The following GPC3 variants were observed in gnomAD, a reference collection of about 807,000 sequenced individuals.
GPC3 encodes the protein glypican-3.
GPC3 carries 3 observed loss-of-function variants against 34.4 expected under a neutral mutation model. That is an observed-to-expected ratio of 0.09 (90% CI 0.04 to 0.23). GPC3 has a LOEUF of 0.23. Ranked by LOEUF, GPC3 falls within the 10% of genes least tolerant of loss-of-function variation. The pLI is 1.00. For synonymous variants in GPC3, 177 were observed against 174.0 expected (o/e 1.02, Z -0.13); for missense variants, 351 against 445.6 (o/e 0.79, Z 1.91).
intron 3 of GPC3, among the ~76,000 whole-genome samples, chrX:133,741,915 T>C (rs752821934): frequency 1.1e-4 from 12 of 113,232 alleles, no homozygotes; most frequent in African/African-American, 3.8e-4. Flanking sequence ...ATGTTCTTTA[T>C]AACTTACAAT....
chrX:133,968,007 G>T (rs1013316498), intron 1 of GPC3, among the ~76,000 whole-genome samples: 1 of 112,682 alleles, frequency 8.9e-6, no homozygotes, highest in Non-Finnish European at 1.9e-5. Context: ...TGCTGACCAT[G>T]CATGTCTTAG....
chrX:133,564,558 A>G (rs2069566815), intron 7 of GPC3, among the ~76,000 whole-genome samples: 1 of 111,607 alleles, frequency 9.0e-6, no homozygotes, highest in Admixed American at 9.5e-5. Flanking sequence ...GTGGTGGTAA[A>G]AGTTCTAGAC....
intron 2 of GPC3, chrX:133,763,178 G>C (rs1203587115): frequency 1.6e-5 from 11 of 689,663 alleles, no homozygotes; most frequent in Non-Finnish European, 2.5e-5. Context: ...ACTGACCCCA[G>C]GGCTGACCAC....
At chrX:133,538,828 GA>G (rs1337726240) in intron 7 of GPC3, among the ~76,000 whole-genome samples, 10 of 91,504 alleles carry the variant, frequency 1.1e-4, no homozygotes, top group African/African-American at 1.2e-4. Context: ...CCCGTCTCCA[GA>G]AAAAAAAAAT....
chrX:133,810,654 C>T lies in GPC3; in HGVS notation c.338-56478G>A, dbSNP rs781003346. 2.7e-5 allele frequency among the ~76,000 whole-genome samples: 3 copies of T among 109,399 alleles called. No homozygotes were observed. In the South Asian group the frequency reaches 1.2e-3, roughly 43 times the overall value. The allele number at this position is 109,399 out of a possible 115,157, so 95.0% of individuals were successfully genotyped here. On this transcript the variant is annotated intron_variant, in intron 2 of 7. Coordinates refer to ENST00000370818, the MANE Select transcript of GPC3 (RefSeq NM_004484.4). ...GGTGCAGTGGCTCACGCTTGTAATC[C>T]CAGCACTTTGGGAGGCCGAGGCGGG...
intron 5 of GPC3, among the ~76,000 whole-genome samples, chrX:133,689,584 AT>A (rs754055838): frequency 6.3e-5 from 7 of 111,919 alleles, no homozygotes; most frequent in Non-Finnish European, 1.3e-4. Flanking sequence ...GATCGATCTG[AT>A]TTTTCACCAT....
chrX:133,897,043 A>T (rs1258781659), intron 2 of GPC3, among the ~76,000 whole-genome samples: 2 of 107,372 alleles, frequency 1.9e-5, no homozygotes, highest in South Asian at 8.5e-4. Context: ...AGTAGCTGGG[A>T]CTACAGGCGC....
intron 3 of GPC3, among the ~76,000 whole-genome samples, chrX:133,731,000 G>C (rs2071457426): frequency 8.9e-6 from 1 of 112,084 alleles, no homozygotes; most frequent in African/African-American, 3.2e-5. Context: ...CTTCTAAATG[G>C]AAAGTAAAGA....
chrX:133,822,269 C>G (rs1474845472), intron 2 of GPC3, among the ~76,000 whole-genome samples: 1 of 111,878 alleles, frequency 8.9e-6, no homozygotes, highest in Non-Finnish European at 1.9e-5. Context: ...TCCACTGTCA[C>G]AGTATCACAG....
At chrX:133,727,608 C>T (rs1398502661) in intron 3 of GPC3, among the ~76,000 whole-genome samples, 3 of 111,259 alleles carry the variant, frequency 2.7e-5, no homozygotes, top group Non-Finnish European at 5.7e-5. Context: ...TTCCTTTTGA[C>T]TCCTTTGCCA....
At chrX:133,742,339 T>G (rs1247713250) in intron 3 of GPC3, among the ~76,000 whole-genome samples, 1 of 110,503 alleles carries the variant, frequency 9.0e-6, no homozygotes, top group Non-Finnish European at 1.9e-5. Context: ...TAGTGTGGGG[T>G]TTCATCCATG....
At chrX:133,715,467 T>TA (rs2071305006) in intron 3 of GPC3, among the ~76,000 whole-genome samples, 1 of 111,643 alleles carries the variant, frequency 9.0e-6, no homozygotes, top group African/African-American at 3.3e-5. Flanking sequence ...TCTATCCTAT[T>TA]AGTTCTGTCT....
intron 7 of GPC3, among the ~76,000 whole-genome samples, chrX:133,539,445 G>T (rs889558488): frequency 1.8e-5 from 2 of 112,590 alleles, no homozygotes; most frequent in Non-Finnish European, 3.7e-5. Context: ...CAAAGTCACT[G>T]TTTGCACATA....
At chrX:133,608,692 C>G (rs1244341673) in intron 6 of GPC3, among the ~76,000 whole-genome samples, 1 of 111,585 alleles carries the variant, frequency 9.0e-6, no homozygotes, top group Non-Finnish European at 1.9e-5. Context: ...CACTATTCTT[C>G]CAGAAGGCCT....
rs376291650 is a variant in GPC3 at position 133,634,811 on chromosome X, A to G, written c.1413+26919T>C. 4.5e-5 allele frequency among the ~76,000 whole-genome samples: 5 copies of G among 112,234 alleles called. No homozygotes were observed. The South Asian group carries it at 1.5e-3, about 33-fold the overall frequency. Reference sequence around the variant, plus strand: ...AAACATTTTGCATTGTACATTTACAATAGGTAAATTTTATGAGATGTAAAT... The same window carrying G: ...AAACATTTTGCATTGTACATTTACAGTAGGTAAATTTTATGAGATGTAAAT... On this transcript the variant is annotated intron_variant, in intron 6 of 7. Transcript: ENST00000370818.
At chrX:133,560,825 A>C (rs1427813791) in intron 7 of GPC3, among the ~76,000 whole-genome samples, 1 of 112,317 alleles carries the variant, frequency 8.9e-6, no homozygotes, top group Admixed American at 9.4e-5. Flanking sequence ...TACCAATTAA[A>C]AATAAAAATT....
chrX:133,873,424 T>C (rs1361359659), intron 2 of GPC3, among the ~76,000 whole-genome samples: 1 of 111,843 alleles, frequency 8.9e-6, no homozygotes, highest in Admixed American at 9.5e-5. Flanking sequence ...CCCAAGAATG[T>C]TGCTGAGATG....
intron 7 of GPC3, among the ~76,000 whole-genome samples, chrX:133,574,172 G>C (rs2069655986): frequency 9.0e-6 from 1 of 111,537 alleles, no homozygotes; most frequent in Non-Finnish European, 1.9e-5. Context: ...GGGTTAGGAG[G>C]GTTGGAGAGT....
At chrX:133,903,502 T>C (rs1042712921) in intron 2 of GPC3, among the ~76,000 whole-genome samples, 1 of 111,023 alleles carries the variant, frequency 9.0e-6, no homozygotes, top group African/African-American at 3.3e-5. Flanking sequence ...GGTAGGAGAA[T>C]TGCTTGAACC....
Sources: gnomAD v4.1 joint callset for allele counts (sites outside exome capture counted in the v4.1 genomes callset) on GRCh38, gnomAD v4.1.1 for gene constraint, MANE v1.5 for transcripts, NCBI Gene and HGNC (gene_info 2026-07-23, HGNC 2026-07-21) for gene names.